The following DGCR2 variants were observed in gnomAD, a reference collection of about 807,000 sequenced individuals.
DGCR2 encodes the protein integral membrane protein DGCR2/IDD.
A neutral mutation model predicts 51.6 loss-of-function variants in DGCR2; 24 were observed. The ratio of observed to expected loss-of-function variants is 0.47; its 90% CI spans 0.34 to 0.65. The LOEUF is 0.65. Ranked by LOEUF, DGCR2 falls within the 30% of genes least tolerant of loss-of-function variation. The probability of loss-of-function intolerance (pLI) is 0.01; values close to 1 mark genes in which losing one functional copy is unlikely to be tolerated. For synonymous variants in DGCR2, 340 were observed against 315.4 expected (o/e 1.08, Z -0.82); for missense variants, 765 against 772.1 (o/e 0.99, Z 0.11).
chr22:19,093,759 G>A (rs1224913597), intron 1 of DGCR2, among the ~76,000 whole-genome samples: 1 of 152,180 alleles, frequency 6.6e-6, no homozygotes, highest in African/African-American at 2.4e-5. Context: ...CACTTTAGGA[G>A]GCCAAGGTGG....
intron 5 of DGCR2, among the ~76,000 whole-genome samples, 173 bp downstream of exon 5, chr22:19,063,029 C>CAA (rs1392904898): frequency 7.2e-5 from 11 of 152,324 alleles, no homozygotes; most frequent in Non-Finnish European, 1.3e-4. Context: ...AGGGCCTGAT[C>CAA]TGCAGGCTGC....
intron 2 of DGCR2, among the ~76,000 whole-genome samples, chr22:19,088,488 A>G (rs556392800): frequency 1.3e-5 from 2 of 152,196 alleles, no homozygotes; most frequent in Non-Finnish European, 2.9e-5. Flanking sequence ...TGGGCACAAG[A>G]AACAGCCCAG....
intron 1 of DGCR2, among the ~76,000 whole-genome samples, chr22:19,108,011 A>G (rs1233948988): frequency 7.2e-5 from 11 of 152,120 alleles, no homozygotes; most frequent in Admixed American, 7.2e-4. Flanking sequence ...CCTTAAGACA[A>G]CTCATTTGCT....
At chr22:19,047,459 C>T (rs1326857288) in intron 7 of DGCR2, 1 of 152,198 alleles carries the variant, frequency 6.6e-6, no homozygotes, top group Non-Finnish European at 1.5e-5. Context: ...TCTACAGGGG[C>T]CACAAGTCCA....
At chr22:19,092,851 C>T (rs1200820568) in intron 1 of DGCR2, among the ~76,000 whole-genome samples, 1 of 151,486 alleles carries the variant, frequency 6.6e-6, no homozygotes, top group Admixed American at 6.6e-5. Context: ...AAAGAACAGG[C>T]CTTTCAACAG....
At chr22:19,053,102 G>A (rs1398481769) in intron 6 of DGCR2, among the ~76,000 whole-genome samples, 1 of 152,210 alleles carries the variant, frequency 6.6e-6, no homozygotes, top group Non-Finnish European at 1.5e-5. Context: ...CCACTGCCCT[G>A]CTTCTAGTCA....
At chr22:19,076,770 T>C (rs1035292105) in intron 2 of DGCR2, among the ~76,000 whole-genome samples, 20 of 131,814 alleles carry the variant, frequency 1.5e-4, no homozygotes, top group African/African-American at 3.8e-4. Context: ...TCGCTCTCTC[T>C]CCCAGTCTGG....
chr22:19,119,754 A>G (rs1241652101), intron 1 of DGCR2, among the ~76,000 whole-genome samples: 1 of 151,466 alleles, frequency 6.6e-6, no homozygotes, highest in Non-Finnish European at 1.5e-5. Context: ...AAAAAAAAAA[A>G]AAATTGGTGA....
chr22:19,073,018 A>T (rs1043326578), intron 2 of DGCR2, among the ~76,000 whole-genome samples: 2 of 152,164 alleles, frequency 1.3e-5, no homozygotes, highest in Non-Finnish European at 2.9e-5. Context: ...ACACTTTGGG[A>T]GGCTGAGGCA....
rs1409911162 is a variant in DGCR2 at position 19,048,736 on chromosome 22, C to T, written c.803-93G>A. ...ACACTGCCAAAAAAGGTAGCCTCCC[C>T]GTGTGGGCCTGTGAATGCTACCTGT... On this transcript the variant is annotated intron_variant, in intron 6 of 9. Transcript: ENST00000263196. 94 of 1,298,008 alleles carry T rather than the reference C, an allele frequency of 7.2e-5. 1 individual carries two copies. The South Asian group carries it at 1.1e-3, about 15-fold the overall frequency. The allele number at this position is 1,298,008 out of a possible 1,614,324, so 80.4% of individuals were successfully genotyped here.
At position 19,036,612 on chromosome 22, in the gene DGCR2, G is replaced by C. The variant is rs1248349425; in HGVS notation, c.*2253C>G. ...CATTCTGGATGGTGGTGCAAGAACA[G>C]ATGAGCGAGTCCAGCTCTCCTCATG... is the stretch of plus-strand genomic sequence containing the variant. On this transcript the variant is annotated 3_prime_UTR_variant, in exon 10 of 10. Transcript: ENST00000263196. 1 of 152,246 alleles carries C rather than the reference G, an allele frequency of 6.6e-6. No homozygotes were observed. The highest frequency in any genetic ancestry group is 2.4e-5 in the African/African-American group (1 of 41,434). The allele number at this position is 152,246 out of a possible 1,614,324, so 9.4% of individuals were successfully genotyped here. A position where few individuals can be genotyped will look rare whatever the true frequency, so the allele number is the denominator to read the frequency against.
chr22:19,068,002 T>G, intron 3 of DGCR2, 98 bp downstream of exon 3: 3 of 1,410,840 alleles, frequency 2.1e-6, no homozygotes, highest in Non-Finnish European at 2.8e-6. Flanking sequence ...AGGGCTGCTT[T>G]GAGAAACCCC....
At chr22:19,106,016 C>T (rs2083258011) in intron 1 of DGCR2, among the ~76,000 whole-genome samples, 1 of 152,088 alleles carries the variant, frequency 6.6e-6, no homozygotes, top group Non-Finnish European at 1.5e-5. Context: ...GGCCAGCACA[C>T]AACCTCCCCA....
chr22:19,038,721 C>T lies in DGCR2; in HGVS notation c.*144G>A. 1 of 1,148,120 alleles carries T rather than the reference C, an allele frequency of 8.7e-7. No homozygotes were observed. The highest frequency in any genetic ancestry group is 1.2e-6 in the Non-Finnish European group (1 of 810,130). 71.1% of individuals were successfully genotyped at this position (1,148,120 alleles called of 1,614,324 possible). On this transcript the variant is annotated 3_prime_UTR_variant, in exon 10 of 10. Coordinates refer to ENST00000263196, the MANE Select transcript of DGCR2 (RefSeq NM_005137.3). ...TTTGGCAGAAGGCGGGCTGTGGTCT[C>T]TATGTACACACGCGAGCCCGCCAGT... is the stretch of plus-strand genomic sequence containing the variant.
At chr22:19,119,910 G>A (rs1418110653) in intron 1 of DGCR2, among the ~76,000 whole-genome samples, 1 of 152,068 alleles carries the variant, frequency 6.6e-6, no homozygotes, top group Non-Finnish European at 1.5e-5. Flanking sequence ...CTCCTGAGAA[G>A]TGGGCTCTGA....
At chr22:19,061,151 G>T (rs938164897) in intron 5 of DGCR2, 12 of 233,432 alleles carry the variant, frequency 5.1e-5, no homozygotes, top group Non-Finnish European at 9.5e-5. Flanking sequence ...TTTTTGGGGG[G>T]GCCAACACCT....
At chr22:19,049,826 C>CAAA (rs538842818) in intron 6 of DGCR2, among the ~76,000 whole-genome samples, 66 of 110,278 alleles carry the variant, frequency 6.0e-4, no homozygotes, top group Admixed American at 1.2e-3. Context: ...GACTCTGTCT[C>CAAA]AAAAAAAAAA....
chr22:19,117,113 C>T (rs888622910), intron 1 of DGCR2, among the ~76,000 whole-genome samples: 1 of 152,132 alleles, frequency 6.6e-6, no homozygotes, highest in Non-Finnish European at 1.5e-5. Context: ...CTAAGAGGAT[C>T]TGTGCGTAAC....
intron 5 of DGCR2, chr22:19,061,986 C>G (rs1422266172): frequency 6.6e-6 from 1 of 152,288 alleles, no homozygotes; most frequent in Non-Finnish European, 1.5e-5. Context: ...CATTCTCACA[C>G]CAAGCATGAG....
Sources: gnomAD v4.1 joint callset for allele counts (sites outside exome capture counted in the v4.1 genomes callset) on GRCh38, gnomAD v4.1.1 for gene constraint, MANE v1.5 for transcripts, NCBI Gene and HGNC (gene_info 2026-07-23, HGNC 2026-07-21) for gene names.